The following PRKG1 variants were observed in gnomAD, a reference collection of about 807,000 sequenced individuals.
The protein encoded by PRKG1 is cGMP-dependent protein kinase 1.
Under a neutral mutation model 88.1 loss-of-function variants are expected in PRKG1, and 35 were observed. The observed-to-expected ratio is 0.40, with a 90% CI of 0.30 to 0.53. The LOEUF (loss-of-function observed/expected upper bound fraction) is 0.53, where lower values mean the gene tolerates loss of function less well. Among genes scored for constraint, PRKG1 ranks in the 20% least tolerant of loss-of-function variants. The pLI is 0.59. For missense variants in PRKG1, 540 were observed against 839.8 expected (o/e 0.64, Z 4.41); for synonymous variants, 303 against 292.5 (o/e 1.04, Z -0.37).
chr10:51,519,231 A>G (rs10997899), intron 3 of PRKG1, among the ~76,000 whole-genome samples: 3 of 152,304 alleles, frequency 2.0e-5, no homozygotes, highest in East Asian at 3.9e-4. Context: ...AGTGCCTGCT[A>G]TAGAACCAGG....
chr10:51,155,132 A>G (rs904436539), intron 2 of PRKG1, among the ~76,000 whole-genome samples: 3 of 152,046 alleles, frequency 2.0e-5, no homozygotes, highest in African/African-American at 7.2e-5. Flanking sequence ...TGTTTCATTC[A>G]AGAAACCACA....
chr10:51,527,929 T>G lies in PRKG1; in HGVS notation c.592+60093T>G, dbSNP rs540965146. Among the ~76,000 whole-genome samples the G allele has an allele frequency of 5.3e-5, 8 of 152,320 alleles. No homozygotes were observed. The East Asian group carries it at 1.5e-3, about 29-fold the overall frequency. On this transcript the variant is annotated intron_variant, in intron 3 of 17. Transcript: ENST00000373980. ...ATCATACTATGAATTTAGCTCCTTC[T>G]CGGGTTGTGACTTGAAGAGTTTATG...
intron 5 of PRKG1, among the ~76,000 whole-genome samples, chr10:51,985,031 T>C (rs1844117473): frequency 6.6e-6 from 1 of 152,212 alleles, no homozygotes; most frequent in Admixed American, 6.6e-5. Context: ...TTCCTTTTGC[T>C]AATATTTTAT....
chr10:51,365,185 G>A (rs2132595196), intron 2 of PRKG1, among the ~76,000 whole-genome samples: 2 of 151,932 alleles, frequency 1.3e-5, no homozygotes, highest in South Asian at 4.1e-4. Flanking sequence ...CACATGGTAG[G>A]CACACAGTAA....
chr10:52,188,210 ATGTG>A lies in PRKG1; in HGVS notation c.1076+26249_1076+26252del, dbSNP rs1321327343. Among the ~76,000 whole-genome samples the A allele has an allele frequency of 1.1e-3, 65 of 56,824 alleles. 2 individuals carry two copies. The highest frequency in any genetic ancestry group is 0.01 in the Middle Eastern group (1 of 100). The allele number at this position is 56,824 out of a possible 152,430, so 37.3% of individuals were successfully genotyped here. A position where few individuals can be genotyped will look rare whatever the true frequency, so the allele number is the denominator to read the frequency against. On this transcript the variant is annotated intron_variant, in intron 9 of 17. Transcript: ENST00000373980. ...TATGTATGTGTGTGTGTATATATAT[ATGTG>A]TATATATATACATATGTATATATAT...
chr10:51,482,199 T>C (rs1192211347), intron 3 of PRKG1, among the ~76,000 whole-genome samples: 1 of 152,216 alleles, frequency 6.6e-6, no homozygotes, highest in East Asian at 1.9e-4. Context: ...GGCATGGACT[T>C]TAAACTCAAG....
At chr10:52,010,332 C>T (rs914663614) in intron 5 of PRKG1, among the ~76,000 whole-genome samples, 12 of 151,986 alleles carry the variant, frequency 7.9e-5, no homozygotes, top group African/African-American at 2.4e-4. Context: ...AAACAACAAA[C>T]AATCACATTA....
At chr10:51,710,423 A>G (rs1158147207) in intron 3 of PRKG1, among the ~76,000 whole-genome samples, 1 of 152,134 alleles carries the variant, frequency 6.6e-6, no homozygotes, top group African/African-American at 2.4e-5. Flanking sequence ...CTACCTGTAC[A>G]TACTGAAGAT....
intron 2 of PRKG1, among the ~76,000 whole-genome samples, chr10:51,433,568 C>G (rs1461992840): frequency 6.6e-6 from 1 of 151,958 alleles, no homozygotes; most frequent in East Asian, 1.9e-4. Context: ...AGGCCTTTGG[C>G]TTTTAAATAA....
intron 3 of PRKG1, among the ~76,000 whole-genome samples, chr10:51,780,740 T>C (rs1477826530): frequency 6.6e-6 from 1 of 152,174 alleles, no homozygotes; most frequent in Non-Finnish European, 1.5e-5. Context: ...ACAGATTGTA[T>C]GATACAGTAG....
chr10:51,678,449 G>A (rs1442232908), intron 3 of PRKG1, among the ~76,000 whole-genome samples: 1 of 152,118 alleles, frequency 6.6e-6, no homozygotes, highest in Non-Finnish European at 1.5e-5. Flanking sequence ...CACCACCCTA[G>A]ATCTACTTAA....
intron 3 of PRKG1, among the ~76,000 whole-genome samples, chr10:51,542,823 A>G (rs1191055963): frequency 1.3e-5 from 2 of 152,168 alleles, no homozygotes; most frequent in Admixed American, 6.5e-5. Flanking sequence ...GGCCTTAGGC[A>G]AGTTATGTAG....
chr10:51,003,152 G>A (rs1842906437), intron 1 of PRKG1, among the ~76,000 whole-genome samples: 1 of 151,758 alleles, frequency 6.6e-6, no homozygotes, highest in Admixed American at 6.6e-5. Flanking sequence ...GCTTTCTCGT[G>A]TCTGCAGGGC....
Position 50,991,372 on chromosome 10 carries a change from T to TG in PRKG1, c.-6dup. 6.6e-7 allele frequency: 1 copy of TG among 1,515,482 alleles called. No homozygotes were observed. Among genetic ancestry groups the TG allele is most frequent in the Non-Finnish European group, 8.8e-7 (1 of 1,131,056 alleles). The allele number at this position is 1,515,482 out of a possible 1,614,324, so 93.9% of individuals were successfully genotyped here. On this transcript the variant is annotated 5_prime_UTR_variant, in exon 1 of 18. Coordinates refer to the PRKG1 transcript ENST00000401604. This position sits in a 1 kb window ranked among gnomAD's most constrained non-coding sequence, Gnocchi z 4.5. ...GAAAAAGTTTCGCGGAGGGGCTCAG[T>TG]GAAAAAATGAGCGAGCTAGAGGAAG... is the stretch of plus-strand genomic sequence containing the variant.
At chr10:51,261,881 A>ATTTTTTTTTTTTTTT (rs375382268) in intron 2 of PRKG1, among the ~76,000 whole-genome samples, 1 of 120,612 alleles carries the variant, frequency 8.3e-6, no homozygotes, top group African/African-American at 3.5e-5. Context: ...GGATTTTCTA[A>ATTTTTTTTTTTTTTT]TTTTTTTTTT....
At chr10:51,170,647 G>A (rs1247332283) in intron 2 of PRKG1, among the ~76,000 whole-genome samples, 1 of 151,542 alleles carries the variant, frequency 6.6e-6, no homozygotes, top group Admixed American at 6.6e-5. Flanking sequence ...TTGGGGAGAA[G>A]AGCATTTTAT....
chr10:52,104,218 G>A (rs147296575), intron 7 of PRKG1, among the ~76,000 whole-genome samples: 1,541 of 151,494 alleles, frequency 0.01, 21 homozygotes, highest in African/African-American at 0.032. Context: ...ACTGTTAAAC[G>A]TCATTTTAGC....
intron 5 of PRKG1, among the ~76,000 whole-genome samples, chr10:52,049,057 G>A (rs975630367): frequency 6.6e-6 from 1 of 152,116 alleles, no homozygotes; most frequent in Non-Finnish European, 1.5e-5. Context: ...GACTCTTCTC[G>A]CAGGAGGCTT....
intron 10 of PRKG1, among the ~76,000 whole-genome samples, chr10:52,264,094 A>G (rs888397278): frequency 6.6e-6 from 1 of 151,128 alleles, no homozygotes; most frequent in African/African-American, 2.4e-5. Context: ...TTGTTATTAT[A>G]CTCCACTGCT....
Sources: allele counts gnomAD v4.1 joint callset (sites outside exome capture counted in the v4.1 genomes callset), GRCh38; gene constraint gnomAD v4.1.1; non-coding constraint Gnocchi (gnomAD v3.1); transcripts MANE v1.5; gene names NCBI Gene and HGNC (gene_info 2026-07-23, HGNC 2026-07-21).